Variants in GRM7 observed in about 807,000 individuals in gnomAD.
GRM7 encodes the protein glutamate metabotropic receptor 7, also known as metabotropic glutamate receptor 7.
A neutral mutation model predicts 84.5 loss-of-function variants in GRM7; 35 were observed. The ratio of observed to expected loss-of-function variants is 0.41; its 90% CI spans 0.32 to 0.55. The LOEUF is 0.55. Ranked by LOEUF, GRM7 falls within the 20% of genes least tolerant of loss-of-function variation. The probability of loss-of-function intolerance (pLI) is 0.19; values close to 1 mark genes in which losing one functional copy is unlikely to be tolerated. For synonymous variants in GRM7, 487 were observed against 455.1 expected, an observed-to-expected ratio of 1.07 and a Z score of -0.89; for missense variants, 1,003 against 1,194.6, an observed-to-expected ratio of 0.84 and a Z score of 2.36.
intron 2 of GRM7, among the ~76,000 whole-genome samples, chr3:7,230,858 A>G (rs7633888): frequency 0.033 from 4,968 of 152,268 alleles, 236 homozygotes; most frequent in African/African-American, 0.11. Context: ...CAGCTATTGC[A>G]TAAAACCCTT....
chr3:6,921,247 G>C (rs1054390621), intron 1 of GRM7, among the ~76,000 whole-genome samples: 1 of 152,214 alleles, frequency 6.6e-6, no homozygotes, highest in Non-Finnish European at 1.5e-5. Flanking sequence ...GGCAGAATCC[G>C]AAAGAGCAGC....
intron 7 of GRM7, among the ~76,000 whole-genome samples, chr3:7,498,198 G>A (rs367751574): frequency 2.0e-5 from 3 of 150,742 alleles, no homozygotes; most frequent in Admixed American, 6.6e-5. Flanking sequence ...TTTTATTATC[G>A]AAGTCCCCAC....
At chr3:7,276,249 G>GTGTGTGTA (rs1336783487) in intron 2 of GRM7, among the ~76,000 whole-genome samples, 77 of 143,622 alleles carry the variant, frequency 5.4e-4, no homozygotes, top group African/African-American at 2.0e-3. Flanking sequence ...GTGTGTGTGT[G>GTGTGTGTA]TATATATAAT....
intron 2 of GRM7, among the ~76,000 whole-genome samples, chr3:7,181,815 T>C (rs1307347465): frequency 3.3e-5 from 5 of 152,054 alleles, no homozygotes; most frequent in Non-Finnish European, 4.4e-5. Context: ...GTGACTATGT[T>C]GGCCAGGCTG....
At chr3:7,055,867 G>A (rs979583733) in intron 1 of GRM7, among the ~76,000 whole-genome samples, 1 of 151,902 alleles carries the variant, frequency 6.6e-6, no homozygotes, top group Non-Finnish European at 1.5e-5. Context: ...CACACTCATG[G>A]CCCTCTCAGT....
In GRM7 at chr3:7,490,996, C is replaced by T. The variant is rs188048319; in HGVS notation, c.1515+29274C>T. ...ATCTGAAAATAATTAAAATATTTTACATTACAAATAAGCAAGAAAATTGTT... is the reference window on the plus strand; with the variant it reads ...ATCTGAAAATAATTAAAATATTTTATATTACAAATAAGCAAGAAAATTGTT... On this transcript the variant is annotated intron_variant, in intron 7 of 9. Coordinates refer to ENST00000357716, the MANE Select transcript of GRM7 (RefSeq NM_000844.4). Among the ~76,000 whole-genome samples the T allele has an allele frequency of 4.4e-3, 665 of 151,890 alleles. 4 individuals are homozygous for T. Among genetic ancestry groups the T allele is most frequent in the Middle Eastern group, 0.01 (3 of 290 alleles).
intron 4 of GRM7, among the ~76,000 whole-genome samples, chr3:7,314,011 C>G (rs1008232895): frequency 5.3e-5 from 8 of 152,034 alleles, no homozygotes; most frequent in South Asian, 2.1e-4. Context: ...AATTTTAATT[C>G]TAAAGAAAAA....
chr3:6,993,737 G>T (rs886125579), intron 1 of GRM7, among the ~76,000 whole-genome samples: 1 of 152,194 alleles, frequency 6.6e-6, no homozygotes, highest in Non-Finnish European at 1.5e-5. Flanking sequence ...GCAATGGAAA[G>T]AAATAATGAA....
intron 7 of GRM7, among the ~76,000 whole-genome samples, chr3:7,525,373 T>C (rs1421064517): frequency 6.6e-6 from 1 of 152,056 alleles, no homozygotes; most frequent in Non-Finnish European, 1.5e-5. Flanking sequence ...TCTTTGGGAA[T>C]GGAGTATAGG....
intron 1 of GRM7, among the ~76,000 whole-genome samples, chr3:7,094,986 T>C (rs928225068): frequency 4.6e-5 from 7 of 151,992 alleles, no homozygotes; most frequent in Non-Finnish European, 8.8e-5. Context: ...ATAGACTTTT[T>C]TTTTTTTTAA....
At chr3:7,560,045 T>A (rs1428151202) in intron 7 of GRM7, among the ~76,000 whole-genome samples, 1 of 152,088 alleles carries the variant, frequency 6.6e-6, no homozygotes, top group African/African-American at 2.4e-5. Context: ...GTTAGGGATT[T>A]AACCTTATGA....
chr3:7,299,273 A>G (rs1300766732), intron 3 of GRM7, among the ~76,000 whole-genome samples: 1 of 151,912 alleles, frequency 6.6e-6, no homozygotes, highest in Admixed American at 6.6e-5. Context: ...TCAGAACTTG[A>G]TCTTTCTTGG....
At chr3:7,305,833 T>A (rs1426912449) in intron 3 of GRM7, among the ~76,000 whole-genome samples, 1 of 152,138 alleles carries the variant, frequency 6.6e-6, no homozygotes, top group Non-Finnish European at 1.5e-5. Context: ...GCTTCAGTTG[T>A]AGCTTTTTCT....
intron 1 of GRM7, among the ~76,000 whole-genome samples, chr3:7,039,729 C>T (rs566303619): frequency 6.6e-6 from 1 of 151,676 alleles, no homozygotes; most frequent in African/African-American, 2.4e-5. Flanking sequence ...AAAAAAATCT[C>T]TCAGAATCCC....
At chr3:7,252,773 C>G (rs1698045996) in intron 2 of GRM7, among the ~76,000 whole-genome samples, 1 of 150,182 alleles carries the variant, frequency 6.7e-6, no homozygotes, top group South Asian at 2.1e-4. Context: ...ACTGCAACCT[C>G]TGCCTCCCGG....
intron 8 of GRM7, among the ~76,000 whole-genome samples, chr3:7,640,987 A>T (rs1241287473): frequency 1.3e-5 from 2 of 152,182 alleles, no homozygotes; most frequent in Admixed American, 6.6e-5. Context: ...ACTGTTAAAG[A>T]GTAAAGTTTT....
intron 2 of GRM7, among the ~76,000 whole-genome samples, chr3:7,221,173 C>T (rs946997305): frequency 6.6e-6 from 1 of 152,104 alleles, no homozygotes; most frequent in African/African-American, 2.4e-5. Context: ...CTACATCACC[C>T]TCCATTGAGG....
chr3:7,006,636 T>C (rs1361474590), intron 1 of GRM7, among the ~76,000 whole-genome samples: 2 of 152,210 alleles, frequency 1.3e-5, no homozygotes, highest in Non-Finnish European at 2.9e-5. Flanking sequence ...GCAGTAGTAG[T>C]ATAAGCCACA....
intron 1 of GRM7, among the ~76,000 whole-genome samples, chr3:7,019,429 C>G (rs1695691409): frequency 6.6e-6 from 1 of 152,162 alleles, no homozygotes; most frequent in South Asian, 2.1e-4. Flanking sequence ...TATAAAAATC[C>G]CCCATGCTCT....
Sources: gnomAD v4.1 joint callset for allele counts (sites outside exome capture counted in the v4.1 genomes callset) on GRCh38, gnomAD v4.1.1 for gene constraint, MANE v1.5 for transcripts, NCBI Gene and HGNC (gene_info 2026-07-23, HGNC 2026-07-21) for gene names.